INSL6: variants seen among roughly 807,000 people sequenced by gnomAD.
The protein encoded by INSL6 is insulin-like peptide INSL6.
Under a neutral mutation model 9.4 loss-of-function variants are expected in INSL6, and 16 were observed. The ratio of observed to expected loss-of-function variants is 1.70; its 90% confidence interval spans 1.15 to 2.59. INSL6 has a LOEUF of 2.59. Among genes scored for constraint, INSL6 ranks in the 30% most tolerant of loss-of-function variants. INSL6 has a pLI of 0.00. For missense variants in INSL6, 391 were observed against 257.3 expected (o/e 1.52, Z -3.56); for synonymous variants, 154 against 96.9 (o/e 1.59, Z -3.46).
the INSL6 span, chr9:5,041,595 G>T: frequency 4.0e-6 from 2 of 497,410 alleles, no homozygotes; most frequent in African/African-American, 2.0e-5. Context: ...CCTGGACTTT[G>T]AGAAGCCCGA....
chr9:5,037,909 CAT>C, the INSL6 span, among the ~76,000 whole-genome samples: 33 of 151,994 alleles, frequency 2.2e-4, no homozygotes, highest in Non-Finnish European at 4.9e-4. Context: ...ATCAAATAAA[CAT>C]AAGGTTAGTA....
chr9:5,083,659 G>A, the INSL6 span, among the ~76,000 whole-genome samples: 1 of 151,850 alleles, frequency 6.6e-6, no homozygotes, highest in Non-Finnish European at 1.5e-5. Flanking sequence ...GTCATATATT[G>A]TCAAAACAAT....
chr9:5,098,582 G>C, the INSL6 span: 3 of 151,908 alleles, frequency 2.0e-5, no homozygotes, highest in Admixed American at 6.6e-5. Context: ...TCATCCCTAC[G>C]TATTCTGTAT....
the INSL6 span, chr9:5,098,347 C>T: frequency 6.6e-6 from 1 of 152,218 alleles, no homozygotes; most frequent in Non-Finnish European, 1.5e-5. Flanking sequence ...CTTAATGGCT[C>T]ATCCAGTTCA....
chr9:5,126,303 C>CA (rs1411836907), intron 3 of INSL6: 2 of 1,477,882 alleles, frequency 1.4e-6, no homozygotes, highest in Non-Finnish European at 1.9e-6. Context: ...ATTAAATGTA[C>CA]AAAAAATATT....
chr9:5,121,986 T>A (rs566157434), downstream of INSL6, among the ~76,000 whole-genome samples: 40 of 152,262 alleles, frequency 2.6e-4, no homozygotes, highest in African/African-American at 9.4e-4. Context: ...TAACTAGATA[T>A]GTAAAATTTG....
At chr9:5,082,264 G>C in the INSL6 span, among the ~76,000 whole-genome samples, 8 of 152,234 alleles carry the variant, frequency 5.3e-5, no homozygotes, top group Non-Finnish European at 1.2e-4. Context: ...AGAGCAGGGT[G>C]ATAGTGGGGA....
the INSL6 span, chr9:5,081,709 T>G: frequency 6.4e-7 from 1 of 1,559,522 alleles, no homozygotes; most frequent in East Asian, 2.2e-5. Flanking sequence ...GGTGATAATA[T>G]TCTTTATTTC....
At chr9:5,042,341 G>A in the INSL6 span, among the ~76,000 whole-genome samples, 8 of 151,440 alleles carry the variant, frequency 5.3e-5, no homozygotes, top group Admixed American at 3.9e-4. Flanking sequence ...GTTTCACCTT[G>A]TTAGCCAGGA....
At chr9:5,124,503 A>G (rs371436311) in exon 4 of INSL6, among the ~76,000 whole-genome samples, 19 of 151,946 alleles carry the variant, frequency 1.3e-4, no homozygotes, top group East Asian at 1.2e-3. Flanking sequence ...TGCAGATTCA[A>G]TGCAGTTCCT....
the INSL6 span, chr9:5,041,117 A>C: frequency 2.3e-6 from 2 of 860,214 alleles, no homozygotes; most frequent in Non-Finnish European, 3.8e-6. Flanking sequence ...CTTCACGCCC[A>C]AGACGGTGCT....
chr9:5,091,064 A>ATAG, the INSL6 span: 1 of 574,784 alleles, frequency 1.7e-6, no homozygotes, highest in Non-Finnish European at 3.0e-6. Context: ...TTTAGGTCTT[A>ATAG]TAGTCATGGT....
intron 2 of INSL6, among the ~76,000 whole-genome samples, chr9:5,153,985 G>A (rs1464852954): frequency 6.6e-6 from 1 of 152,086 alleles, no homozygotes; most frequent in African/African-American, 2.4e-5. Flanking sequence ...TAAATCTCAT[G>A]TGGAACCAAA....
chr9:5,167,921 T>C (rs2381211), intron 1 of INSL6, among the ~76,000 whole-genome samples: 151,878 of 152,264 alleles, frequency 1, 75,748 homozygotes, highest in Middle Eastern at 1. Flanking sequence ...CCTCCTGGGG[T>C]GGAAGAAACC....
the INSL6 span, chr9:5,064,983 A>T: frequency 6.2e-7 from 1 of 1,611,266 alleles, no homozygotes; most frequent in Non-Finnish European, 8.5e-7. Flanking sequence ...CTCTGTAAAG[A>T]AGTAGCACCT....
chr9:5,045,498 C>A, the INSL6 span, among the ~76,000 whole-genome samples: 2 of 152,186 alleles, frequency 1.3e-5, no homozygotes, highest in Non-Finnish European at 2.9e-5. Flanking sequence ...GTACAACCAT[C>A]ACCACCATCC....
chr9:5,001,598 T>TA, the INSL6 span, among the ~76,000 whole-genome samples: 1 of 151,978 alleles, frequency 6.6e-6, no homozygotes, highest in Admixed American at 6.6e-5. Flanking sequence ...ATTATTTTGT[T>TA]ATGTTCATGA....
chr9:5,080,071 A>G, the INSL6 span, among the ~76,000 whole-genome samples: 4 of 152,304 alleles, frequency 2.6e-5, no homozygotes, highest in East Asian at 5.8e-4. Context: ...TCTGGTTCTT[A>G]AGCTTATGCA....
chr9:5,085,197 A>T, the INSL6 span: 1 of 660,800 alleles, frequency 1.5e-6, no homozygotes, highest in South Asian at 1.4e-5. Context: ...TCATGATCAT[A>T]GCATTCATTT....
Sources: gnomAD v4.1 joint callset for allele counts (sites outside exome capture counted in the v4.1 genomes callset) on GRCh38, gnomAD v4.1.1 for gene constraint, MANE v1.5 for transcripts, NCBI Gene and HGNC (gene_info 2026-07-23, HGNC 2026-07-21) for gene names.